Variants in LOC128462377 observed in about 807,000 individuals in gnomAD.
chr16:89,371,308 A>AAATAAAG, the LOC128462377 span, among the ~76,000 whole-genome samples: 1 of 152,214 alleles, frequency 6.6e-6, no homozygotes, highest in Non-Finnish European at 1.5e-5. Flanking sequence ...GAACAGAAAC[A>AAATAAAG]AATAAAGAAT....
the LOC128462377 span, among the ~76,000 whole-genome samples, chr16:89,325,661 T>C: frequency 2.0e-5 from 3 of 152,188 alleles, no homozygotes; most frequent in South Asian, 2.1e-4. Context: ...GGGTTCTAAG[T>C]GAAGGCTGCG....
the LOC128462377 span, among the ~76,000 whole-genome samples, chr16:89,336,587 A>G: frequency 6.6e-6 from 1 of 152,148 alleles, no homozygotes; most frequent in Non-Finnish European, 1.5e-5. Flanking sequence ...CAGCACTTCA[A>G]TGAGACACAA....
the LOC128462377 span, among the ~76,000 whole-genome samples, chr16:89,344,751 G>A: frequency 2.0e-5 from 3 of 152,182 alleles, no homozygotes; most frequent in African/African-American, 4.8e-5. Context: ...ACAGCGGAGG[G>A]CACGGGAGCA....
the LOC128462377 span, among the ~76,000 whole-genome samples, chr16:89,388,511 C>T: frequency 1.3e-5 from 2 of 151,826 alleles, no homozygotes; most frequent in African/African-American, 2.4e-5. Context: ...GTGGTGCTGT[C>T]GAACGCACAC....
the LOC128462377 span, among the ~76,000 whole-genome samples, chr16:89,398,687 A>G: frequency 6.6e-6 from 1 of 152,086 alleles, no homozygotes; most frequent in African/African-American, 2.4e-5. Flanking sequence ...GGCTGCAGTG[A>G]GCTATATGAC....
chr16:89,337,069 C>G, the LOC128462377 span, among the ~76,000 whole-genome samples: 1 of 150,418 alleles, frequency 6.6e-6, no homozygotes, highest in Admixed American at 6.6e-5. Context: ...ACCTGCAGTC[C>G]CAGCTATTTG....
the LOC128462377 span, among the ~76,000 whole-genome samples, chr16:89,382,082 G>A: frequency 1.3e-5 from 2 of 152,216 alleles, no homozygotes; most frequent in African/African-American, 4.8e-5. Flanking sequence ...TGGGGCCCAG[G>A]CAGGCGCCAC....
chr16:89,411,235 C>A, the LOC128462377 span, among the ~76,000 whole-genome samples: 2 of 152,230 alleles, frequency 1.3e-5, no homozygotes, highest in Non-Finnish European at 2.9e-5. Flanking sequence ...GGTGCCACCA[C>A]GGGGGCCCAG....
the LOC128462377 span, among the ~76,000 whole-genome samples, chr16:89,342,000 A>ACGGCC: frequency 3.1e-4 from 14 of 44,478 alleles, no homozygotes; most frequent in African/African-American, 8.1e-4. Context: ...CACAGCGGCC[A>ACGGCC]CAGCCCACGG....
At chr16:89,389,463 G>C in the LOC128462377 span, among the ~76,000 whole-genome samples, 1 of 152,214 alleles carries the variant, frequency 6.6e-6, no homozygotes, top group African/African-American at 2.4e-5. Flanking sequence ...GACACAGAAG[G>C]CAAAATTAGT....
the LOC128462377 span, among the ~76,000 whole-genome samples, chr16:89,410,194 G>A: frequency 4.7e-4 from 71 of 152,216 alleles, no homozygotes; most frequent in African/African-American, 1.5e-3. Flanking sequence ...AATTTCACAC[G>A]GAGCAGGCAC....
chr16:89,413,759 C>T, the LOC128462377 span, among the ~76,000 whole-genome samples: 1 of 152,218 alleles, frequency 6.6e-6, no homozygotes, highest in Non-Finnish European at 1.5e-5. Context: ...GACACAGAAA[C>T]AGCCGACAAG....
chr16:89,322,958 T>G, the LOC128462377 span: 5 of 259,142 alleles, frequency 1.9e-5, no homozygotes, highest in Non-Finnish European at 3.8e-5. Context: ...ATCCGCTCAC[T>G]TGAGCCTCCC....
the LOC128462377 span, among the ~76,000 whole-genome samples, chr16:89,406,160 G>A: frequency 6.7e-6 from 1 of 149,284 alleles, no homozygotes; most frequent in African/African-American, 2.5e-5. Context: ...AAAGTCCTAA[G>A]TCTGGTTATG....
chr16:89,342,407 C>T, the LOC128462377 span, among the ~76,000 whole-genome samples: 1 of 152,312 alleles, frequency 6.6e-6, no homozygotes, highest in African/African-American at 2.4e-5. Flanking sequence ...AGACAGCATT[C>T]GGTCCAGGAT....
the LOC128462377 span, among the ~76,000 whole-genome samples, chr16:89,385,980 A>C: frequency 6.6e-6 from 1 of 152,222 alleles, no homozygotes; most frequent in Non-Finnish European, 1.5e-5. Context: ...TCCCTGGCTC[A>C]AGCCGGCCTC....
the LOC128462377 span, among the ~76,000 whole-genome samples, chr16:89,415,829 C>CAAACAAAAAAAAAAA: frequency 2.5e-5 from 1 of 39,744 alleles, no homozygotes; most frequent in African/African-American, 9.3e-5. Flanking sequence ...GACTCTGTCT[C>CAAACAAAAAAAAAAA]AAAAAAAAAA....
the LOC128462377 span, among the ~76,000 whole-genome samples, chr16:89,337,787 G>A: frequency 4.6e-5 from 7 of 152,116 alleles, no homozygotes; most frequent in East Asian, 1.4e-3. Context: ...GTCTTTCCTA[G>A]GTGGAAAGCA....
chr16:89,344,613 A>AT, the LOC128462377 span, among the ~76,000 whole-genome samples: 1 of 152,208 alleles, frequency 6.6e-6, no homozygotes, highest in Non-Finnish European at 1.5e-5. Flanking sequence ...GTCCGGGAGG[A>AT]CACTCCAGGC....
Sources: allele counts gnomAD v4.1 joint callset (sites outside exome capture counted in the v4.1 genomes callset), GRCh38; gene constraint gnomAD v4.1.1; transcripts MANE v1.5.